BCAS1: variants seen among roughly 807,000 people sequenced by gnomAD.
The protein encoded by BCAS1 is breast carcinoma-amplified sequence 1.
In BCAS1, 46 loss-of-function variants were observed where a neutral mutation model predicts 65.4. The observed-to-expected ratio is 0.70, with a 90% CI of 0.55 to 0.90. The LOEUF is 0.90. Among genes scored for constraint, BCAS1 ranks in the 40% least tolerant of loss-of-function variants. The pLI, the probability that BCAS1 is intolerant of heterozygous loss-of-function variation, is 0.00. For synonymous variants in BCAS1, 298 were observed against 293.5 expected, an observed-to-expected ratio of 1.02 and a Z score of -0.16; for missense variants, 793 against 771.2, an observed-to-expected ratio of 1.03 and a Z score of -0.33.
At chr20:53,984,444 T>C (rs561868400) in intron 8 of BCAS1, among the ~76,000 whole-genome samples, 1 of 152,200 alleles carries the variant, frequency 6.6e-6, no homozygotes, top group South Asian at 2.1e-4. Context: ...CCAGCTGGAT[T>C]CTGGACGACG....
chr20:54,018,542 T>C (rs1194196304), intron 4 of BCAS1, among the ~76,000 whole-genome samples: 1 of 152,142 alleles, frequency 6.6e-6, no homozygotes, highest in Non-Finnish European at 1.5e-5. Context: ...TTCATTGTGT[T>C]AGCCAGGATG....
chr20:54,002,028 T>A (rs2091067256), intron 4 of BCAS1, among the ~76,000 whole-genome samples: 1 of 150,844 alleles, frequency 6.6e-6, no homozygotes. Flanking sequence ...TAAATGCCTT[T>A]CTGGTGGTTG....
intron 8 of BCAS1, 66 bp from the exon 9 acceptor site, chr20:53,975,496 G>A: frequency 7.2e-7 from 1 of 1,386,926 alleles, no homozygotes; most frequent in Non-Finnish European, 1.0e-6. Flanking sequence ...TTACATAAAA[G>A]CAAAGGGTTA....
rs367744359 is a variant in BCAS1 at position 53,950,293 on chromosome 20, C to A, written c.1815+3139G>T. 5.9e-5 allele frequency among the ~76,000 whole-genome samples: 9 copies of A among 152,306 alleles called. No individual in the cohort carries two copies. The South Asian group carries it at 1.9e-3, about 32-fold the overall frequency. ...AGCTCACTAAGCTCATTCCCACCCC[C>A]GTGCCTTTGCCAGGGCTGTCCCCTC... On this transcript the variant is annotated intron_variant, in intron 12 of 12. Transcript: ENST00000688948.
chr20:53,951,609 T>A (rs2089527785), intron 12 of BCAS1, among the ~76,000 whole-genome samples: 1 of 152,226 alleles, frequency 6.6e-6, no homozygotes, highest in Admixed American at 6.5e-5. Flanking sequence ...CTTTGTGGCA[T>A]CCCAAGTTGG....
intron 12 of BCAS1, among the ~76,000 whole-genome samples, chr20:53,951,675 G>A (rs1351511743): frequency 6.6e-6 from 1 of 152,194 alleles, no homozygotes; most frequent in Admixed American, 6.5e-5. Flanking sequence ...TGATTCGTGT[G>A]CACAGTACAT....
intron 9 of BCAS1, among the ~76,000 whole-genome samples, chr20:53,969,067 A>C (rs185300447): frequency 1.1e-3 from 175 of 152,316 alleles, no homozygotes; most frequent in Middle Eastern, 6.8e-3. Flanking sequence ...TAGGCAATCT[A>C]ACTCGTGGTC....
At chr20:54,012,832 C>T (rs1034470352) in intron 4 of BCAS1, among the ~76,000 whole-genome samples, 1 of 152,078 alleles carries the variant, frequency 6.6e-6, no homozygotes, top group Non-Finnish European at 1.5e-5. Flanking sequence ...AAATAACTTG[C>T]CTAAGGTCAT....
intron 1 of BCAS1, among the ~76,000 whole-genome samples, chr20:54,066,239 A>AT (rs1402328657): frequency 6.6e-6 from 1 of 152,006 alleles, no homozygotes; most frequent in Admixed American, 6.5e-5. Flanking sequence ...CGCCCGGCTA[A>AT]TTTTTTGTAT....
intron 1 of BCAS1, among the ~76,000 whole-genome samples, chr20:54,066,228 A>G (rs1489644775): frequency 2.0e-5 from 3 of 151,970 alleles, no homozygotes; most frequent in East Asian, 1.9e-4. Context: ...GCCTGCCACC[A>G]CGCCCGGCTA....
At chr20:54,008,182 C>G (rs2091243820) in intron 4 of BCAS1, among the ~76,000 whole-genome samples, 1 of 152,196 alleles carries the variant, frequency 6.6e-6, no homozygotes, top group Admixed American at 6.5e-5. Flanking sequence ...AAGTGGGGAG[C>G]CTAGACTTCC....
intron 6 of BCAS1, among the ~76,000 whole-genome samples, chr20:53,993,691 C>G (rs1001926594): frequency 1.3e-5 from 2 of 152,162 alleles, no homozygotes; most frequent in Admixed American, 6.6e-5. Context: ...CTTCAAACAA[C>G]GCAAGACATA....
chr20:53,983,700 G>A (rs905941680), intron 8 of BCAS1, among the ~76,000 whole-genome samples: 1 of 152,150 alleles, frequency 6.6e-6, no homozygotes, highest in Non-Finnish European at 1.5e-5. Flanking sequence ...CATTCATTCC[G>A]GTCCAGTGTG....
chr20:53,944,634 C>T lies in BCAS1; in HGVS notation c.*288G>A. ...ACCACTGCCATTTTCATCACTTAAC[C>T]CGAACACATTCCTCTATTCCCTCCC... On this transcript the variant is annotated 3_prime_UTR_variant, in exon 13 of 13. Coordinates refer to ENST00000688948, the MANE Select transcript of BCAS1 (RefSeq NM_001366298.2). 2.8e-6 allele frequency: 1 copy of T among 356,256 alleles called. No homozygotes were observed. The highest frequency in any genetic ancestry group is 5.7e-5 in the East Asian group (1 of 17,514). The allele number at this position is 356,256 out of a possible 1,614,324, so 22.1% of individuals were successfully genotyped here. A position where few individuals can be genotyped will look rare whatever the true frequency, so the allele number is the denominator to read the frequency against.
At chr20:53,969,399 C>G (rs1231584194) in intron 9 of BCAS1, among the ~76,000 whole-genome samples, 1 of 152,030 alleles carries the variant, frequency 6.6e-6, no homozygotes, top group Non-Finnish European at 1.5e-5. Flanking sequence ...CTTGCTATGC[C>G]TGGTATTGTA....
intron 3 of BCAS1, among the ~76,000 whole-genome samples, chr20:54,053,887 T>C (rs1309115223): frequency 6.6e-6 from 1 of 152,244 alleles, no homozygotes; most frequent in Non-Finnish European, 1.5e-5. Flanking sequence ...GGAAATATTA[T>C]TGGATGCCAA....
intron 3 of BCAS1, among the ~76,000 whole-genome samples, chr20:54,035,395 C>T (rs290459): frequency 0.33 from 41,412 of 124,402 alleles, 7,514 homozygotes; most frequent in South Asian, 0.42. Context: ...AGTGAGACTC[C>T]GTCTCAAAAA....
At chr20:54,051,572 C>T (rs1212223732) in intron 3 of BCAS1, among the ~76,000 whole-genome samples, 1 of 152,176 alleles carries the variant, frequency 6.6e-6, no homozygotes, top group Non-Finnish European at 1.5e-5. Flanking sequence ...ACTCCTCCTG[C>T]CCCCAGTGAT....
At chr20:54,046,616 G>A (rs1384597450) in intron 3 of BCAS1, among the ~76,000 whole-genome samples, 1 of 151,652 alleles carries the variant, frequency 6.6e-6, no homozygotes, top group African/African-American at 2.4e-5. Context: ...GGCTGAGATG[G>A]GCAGATCACC....
Sources: gnomAD v4.1 joint callset for allele counts (sites outside exome capture counted in the v4.1 genomes callset) on GRCh38, gnomAD v4.1.1 for gene constraint, MANE v1.5 for transcripts, NCBI Gene and HGNC (gene_info 2026-07-23, HGNC 2026-07-21) for gene names.